Variants in CCSER1 observed in about 807,000 individuals in gnomAD.
CCSER1 encodes coiled-coil serine rich protein 1.
CCSER1 carries 41 observed loss-of-function variants against 82.0 expected under a neutral mutation model. The ratio of observed to expected loss-of-function variants is 0.50; its 90% confidence interval spans 0.39 to 0.65. CCSER1 has a LOEUF of 0.65. Ranked by LOEUF, CCSER1 falls within the 30% of genes least tolerant of loss-of-function variation. CCSER1 has a pLI of 0.00. For synonymous variants in CCSER1, 414 were observed against 383.9 expected, an observed-to-expected ratio of 1.08 and a Z score of -0.92; for missense variants, 1,119 against 1,064.2, an observed-to-expected ratio of 1.05 and a Z score of -0.72.
rs529911243 is a variant in CCSER1 at position 90,153,938 on chromosome 4, A to G, written c.-42+26107A>G. Among the ~76,000 whole-genome samples the G allele has an allele frequency of 5.9e-3, 904 of 152,282 alleles. 13 individuals are homozygous for G. The highest frequency in any genetic ancestry group is 0.02 in the African/African-American group (850 of 41,540). On this transcript the variant is annotated intron_variant, in intron 1 of 10. Transcript: ENST00000509176. ...TGCCATTGCTTTTGGTGTTTTAGAC[A>G]TGAAGTCCTTGCCCATGCCTCTGTC...
chr4:90,806,510 A>G (rs144927373), intron 7 of CCSER1, among the ~76,000 whole-genome samples: 5 of 152,350 alleles, frequency 3.3e-5, no homozygotes, highest in Non-Finnish European at 7.3e-5. Flanking sequence ...AAACAACTGT[A>G]GTAGATATAG....
chr4:90,881,844 C>T (rs1384608058), intron 8 of CCSER1, among the ~76,000 whole-genome samples: 2 of 152,054 alleles, frequency 1.3e-5, no homozygotes, highest in African/African-American at 4.8e-5. Flanking sequence ...CTTCATCTCC[C>T]TACTCTTCCC....
intron 9 of CCSER1, among the ~76,000 whole-genome samples, chr4:90,936,711 C>G (rs1046488208): frequency 6.6e-6 from 1 of 152,066 alleles, no homozygotes; most frequent in Non-Finnish European, 1.5e-5. Context: ...TTCCAGATTT[C>G]TAAAATGTAT....
At chr4:90,311,635 A>G (rs1035403801) in intron 2 of CCSER1, among the ~76,000 whole-genome samples, 2 of 152,204 alleles carry the variant, frequency 1.3e-5, no homozygotes, top group Non-Finnish European at 2.9e-5. Flanking sequence ...TGTATTTTGT[A>G]TGAAATATTT....
At chr4:90,534,565 G>C (rs1287358945) in intron 5 of CCSER1, among the ~76,000 whole-genome samples, 1 of 151,726 alleles carries the variant, frequency 6.6e-6, no homozygotes, top group Non-Finnish European at 1.5e-5. Flanking sequence ...AATTAAAGCA[G>C]ATATTGAAAG....
intron 7 of CCSER1, among the ~76,000 whole-genome samples, chr4:90,795,041 G>A (rs1161017890): frequency 6.6e-6 from 1 of 152,052 alleles, no homozygotes; most frequent in African/African-American, 2.4e-5. Context: ...TGTAATCCCA[G>A]CACTTTGGGA....
intron 8 of CCSER1, among the ~76,000 whole-genome samples, chr4:90,848,289 T>C (rs951165763): frequency 3.3e-5 from 5 of 152,166 alleles, no homozygotes; most frequent in African/African-American, 1.2e-4. Flanking sequence ...CCATGTAAAA[T>C]TGGTGCCCAA....
intron 1 of CCSER1, among the ~76,000 whole-genome samples, chr4:90,141,020 A>ATATCTGTCTATC (rs1553937164): frequency 6.2e-5 from 9 of 145,984 alleles, no homozygotes; most frequent in African/African-American, 2.3e-4. Flanking sequence ...ACCCAGCAAG[A>ATATCTGTCTATC]TATCTATCTA....
In CCSER1 at chr4:90,815,652, G is replaced by A. The variant is rs547837588; in HGVS notation, c.2011-110G>A. On this transcript the variant is annotated intron_variant, in intron 7 of 10. Coordinates refer to ENST00000509176, the MANE Select transcript of CCSER1 (RefSeq NM_001145065.2). ...ATATCATACTATAGAGGGAATTTGA[G>A]TTTCGTTAGTCAGATGCAATTATCT... 8 of 663,784 alleles carry A rather than the reference G, an allele frequency of 1.2e-5. 1 individual carries two copies. The South Asian group carries it at 1.9e-4, about 16-fold the overall frequency. 41.1% of individuals were successfully genotyped at this position (663,784 alleles called of 1,614,324 possible).
intron 9 of CCSER1, among the ~76,000 whole-genome samples, chr4:91,003,875 C>T (rs1485795856): frequency 6.6e-6 from 1 of 152,152 alleles, no homozygotes; most frequent in African/African-American, 2.4e-5. Context: ...GCTAGGGGAC[C>T]CAGCAAGCCC....
intron 10 of CCSER1, among the ~76,000 whole-genome samples, chr4:91,181,467 A>C (rs988361033): frequency 6.6e-6 from 1 of 152,196 alleles, no homozygotes; most frequent in Non-Finnish European, 1.5e-5. Context: ...TTGTTCTTTT[A>C]ATTTTAAATC....
intron 9 of CCSER1, among the ~76,000 whole-genome samples, chr4:91,019,941 C>T (rs980166212): frequency 1.3e-5 from 2 of 151,816 alleles, no homozygotes; most frequent in Non-Finnish European, 2.9e-5. Flanking sequence ...AATTTAATAG[C>T]CATTAAAGAA....
chr4:90,302,846 A>G lies in CCSER1; in HGVS notation c.-41-5398A>G, dbSNP rs28712847. ...AAACAAAACAAAAAGGAAGAAAGAA[A>G]AGGAAAAGGAAAGAAAGATAAGAAA... On this transcript the variant is annotated intron_variant, in intron 1 of 10. Transcript: ENST00000509176. 6.1e-3 allele frequency among the ~76,000 whole-genome samples: 916 copies of G among 150,608 alleles called. 8 individuals carry two copies. Among genetic ancestry groups the G allele is most frequent in the African/African-American group, 0.022 (887 of 40,200 alleles).
At chr4:91,515,704 T>C (rs1341912155) in intron 10 of CCSER1, among the ~76,000 whole-genome samples, 1 of 152,156 alleles carries the variant, frequency 6.6e-6, no homozygotes. Flanking sequence ...TGATATTCTT[T>C]TGGATATATA....
chr4:90,178,863 C>T lies in CCSER1; in HGVS notation c.-42+51032C>T, dbSNP rs143940264. Among the ~76,000 whole-genome samples, 938 of 152,130 alleles carry T rather than the reference C, an allele frequency of 6.2e-3. 13 individuals carry two copies. The highest frequency in any genetic ancestry group is 0.021 in the African/African-American group (868 of 41,512). ...CAATAAAATTCTATATGATATGCTC[C>T]GCAAATGTGGAATTGTTTTGGTGGA... On this transcript the variant is annotated intron_variant, in intron 1 of 10. Coordinates refer to ENST00000509176, the MANE Select transcript of CCSER1 (RefSeq NM_001145065.2).
chr4:91,455,941 T>C (rs1389575081), intron 10 of CCSER1, among the ~76,000 whole-genome samples: 1 of 151,898 alleles, frequency 6.6e-6, no homozygotes, highest in Non-Finnish European at 1.5e-5. Context: ...TGAAGGGGAA[T>C]TCAGAGACAA....
At chr4:90,427,858 C>G (rs367967135) in intron 4 of CCSER1, among the ~76,000 whole-genome samples, 1 of 151,698 alleles carries the variant, frequency 6.6e-6, no homozygotes, top group African/African-American at 2.4e-5. Flanking sequence ...GATTAGAATG[C>G]AATGTTATTC....
chr4:91,202,812 C>CATATATATGTGTGCATATATATG (rs1736037700), intron 10 of CCSER1, among the ~76,000 whole-genome samples: 2 of 150,970 alleles, frequency 1.3e-5, no homozygotes, highest in Non-Finnish European at 1.5e-5. Context: ...GATATACACA[C>CATATATATGTGTGCATATATATG]TGTCTTTTTA....
intron 7 of CCSER1, among the ~76,000 whole-genome samples, chr4:90,815,231 T>C (rs2149761478): frequency 6.6e-6 from 1 of 152,134 alleles, no homozygotes; most frequent in East Asian, 1.9e-4. Context: ...ACTTTCTCAC[T>C]ATCATGAGAA....
Sources: gnomAD v4.1 joint callset for allele counts (sites outside exome capture counted in the v4.1 genomes callset) on GRCh38, gnomAD v4.1.1 for gene constraint, MANE v1.5 for transcripts, NCBI Gene and HGNC (gene_info 2026-07-23, HGNC 2026-07-21) for gene names.